SERPINE2: variants seen among roughly 807,000 people sequenced by gnomAD.
The protein encoded by SERPINE2 is serpin family E member 2, also known as glia-derived nexin.
In SERPINE2, 14 loss-of-function variants were observed where a neutral mutation model predicts 36.3. That is an observed-to-expected ratio of 0.39 (90% confidence interval 0.25 to 0.60). SERPINE2 has a LOEUF of 0.60. SERPINE2 is among the 20% of genes least tolerant of loss of function. The probability of loss-of-function intolerance (pLI) is 0.57; values close to 1 mark genes in which losing one functional copy is unlikely to be tolerated. For missense variants in SERPINE2, 418 were observed against 499.6 expected, an observed-to-expected ratio of 0.84 and a Z score of 1.56; for synonymous variants, 192 against 191.8, an observed-to-expected ratio of 1.00 and a Z score of -0.01.
chr2:224,032,722 A>C (rs1054619929), intron 1 of SERPINE2, among the ~76,000 whole-genome samples: 2 of 152,254 alleles, frequency 1.3e-5, no homozygotes, highest in Non-Finnish European at 2.9e-5. Context: ...AAACTGTGGC[A>C]AAAGCCTGGG....
intron 4 of SERPINE2, among the ~76,000 whole-genome samples, chr2:223,991,311 C>T (rs1690660702): frequency 2.0e-5 from 3 of 152,188 alleles, no homozygotes; most frequent in African/African-American, 4.8e-5. Flanking sequence ...CGAGGAAGTC[C>T]TCGGACCACA....
chr2:224,013,395 T>C lies in SERPINE2; in HGVS notation c.-22-11473A>G, dbSNP rs561783133. Among the ~76,000 whole-genome samples, 5 of 152,276 alleles carry C rather than the reference T, an allele frequency of 3.3e-5. No homozygotes were observed. In the South Asian group the frequency reaches 1.0e-3, roughly 32 times the overall value. The stretch of plus-strand genomic sequence containing the variant: ...CTTCAGGTGGCCTTTCTGGGGTGAC[T>C]TGCACAGGGCGGTTTGGAGACCTAA... On this transcript the variant is annotated intron_variant, in intron 1 of 8. Transcript: ENST00000409304.
intron 8 of SERPINE2, among the ~76,000 whole-genome samples, chr2:223,977,256 G>A (rs1394622059): frequency 1.3e-5 from 2 of 152,152 alleles, no homozygotes; most frequent in African/African-American, 2.4e-5. Context: ...ATATGGAAAA[G>A]TCAATAGATG....
chr2:224,025,005 T>C (rs980336260), intron 1 of SERPINE2, among the ~76,000 whole-genome samples: 1 of 152,060 alleles, frequency 6.6e-6, no homozygotes, highest in Non-Finnish European at 1.5e-5. Context: ...GGCTGGTGAG[T>C]AGCTGCACAG....
chr2:224,012,123 C>A (rs7602039), intron 1 of SERPINE2, among the ~76,000 whole-genome samples: 104,039 of 152,018 alleles, frequency 0.68, 36,027 homozygotes, highest in Non-Finnish European at 0.75. Flanking sequence ...CCCATGAGCT[C>A]TGAGTGTGGG....
intron 1 of SERPINE2, among the ~76,000 whole-genome samples, chr2:224,015,014 C>T (rs1691751833): frequency 6.6e-6 from 1 of 151,112 alleles, no homozygotes; most frequent in South Asian, 2.1e-4. Context: ...TAGGTGGGGG[C>T]CAGGGAGGGT....
Position 223,975,529 on chromosome 2 carries a change from A to G in SERPINE2, c.*338T>C. 1 of 215,566 alleles carries G rather than the reference A, an allele frequency of 4.6e-6. No individual in the cohort carries two copies. Among genetic ancestry groups the G allele is most frequent in the East Asian group, 9.7e-5 (1 of 10,294 alleles). 13.4% of individuals were successfully genotyped at this position (215,566 alleles called of 1,614,324 possible). A position where few individuals can be genotyped will look rare whatever the true frequency, so the allele number is the denominator to read the frequency against. On this transcript the variant is annotated 3_prime_UTR_variant, in exon 9 of 9. Transcript: ENST00000409304. ...TTAAATTTCTTCTGAAAAGCCGCAC[A>G]TATAGACAAAACAAAACAAAAATTC... is the stretch of plus-strand genomic sequence containing the variant.
Position 224,001,859 on chromosome 2 carries a change from C to A in SERPINE2, c.42G>T (p.Thr14=), listed in dbSNP as rs12436. 208,759 of 1,613,650 alleles carry A rather than the reference C, an allele frequency of 0.13. 16,197 individuals are homozygous for A. Among genetic ancestry groups the A allele is most frequent in the African/African-American group, 0.31 (23,194 of 74,878 alleles). ...HLPLFLLASV[T]LPSICSHFNP... is the part of the protein sequence containing the mutation. ...TGAAGTGGGAGCAGATGGAAGGCAG[C>A]GTCACAGAGGCCAAGAGGAAGAGGG... The change falls in exon 2 of 9, where the codon ACG becomes ACT. Residue 14 remains threonine (T), a synonymous_variant. Transcript: ENST00000409304.
At position 224,031,452 on chromosome 2, in the gene SERPINE2, C is replaced by T. The variant is rs946284093; in HGVS notation, c.-23+7647G>A. 12 of 985,694 alleles carry T rather than the reference C, an allele frequency of 1.2e-5. No individual in the cohort carries two copies. In the African/African-American group the frequency reaches 1.9e-4, roughly 16 times the overall value. 61.1% of individuals were successfully genotyped at this position (985,694 alleles called of 1,614,324 possible). A position where few individuals can be genotyped will look rare whatever the true frequency, so the allele number is the denominator to read the frequency against. On this transcript the variant is annotated intron_variant, in intron 1 of 8. Coordinates refer to ENST00000409304, the MANE Select transcript of SERPINE2 (RefSeq NM_001136528.2). ...GAACGCCAGGCAGCACGGTCCTCTCCACTCCCTTTCCTCCTAACCAAGGAT... is the reference window on the plus strand; with the variant it reads ...GAACGCCAGGCAGCACGGTCCTCTCTACTCCCTTTCCTCCTAACCAAGGAT...
chr2:224,031,027 G>C (rs1559222680), intron 1 of SERPINE2: 1 of 985,254 alleles, frequency 1.0e-6, no homozygotes, highest in Non-Finnish European at 1.2e-6. Flanking sequence ...GTGATACTAG[G>C]GCTATCACGC....
At chr2:224,028,267 A>C (rs536878388) in intron 1 of SERPINE2, among the ~76,000 whole-genome samples, 39 of 152,328 alleles carry the variant, frequency 2.6e-4, no homozygotes, top group African/African-American at 9.1e-4. Flanking sequence ...ATTTCCCTGC[A>C]TGTTAACTGG....
At chr2:224,013,866 C>T (rs185154657) in intron 1 of SERPINE2, 3 of 152,376 alleles carry the variant, frequency 2.0e-5, no homozygotes, top group East Asian at 3.9e-4. Context: ...TTCCGCAGTG[C>T]TTGTTGCAGG....
chr2:224,005,819 A>G (rs1374549950), intron 1 of SERPINE2, among the ~76,000 whole-genome samples: 1 of 152,190 alleles, frequency 6.6e-6, no homozygotes, highest in Non-Finnish European at 1.5e-5. Flanking sequence ...TTGCTTGAAT[A>G]TTGTTTCACA....
intron 1 of SERPINE2, chr2:224,010,330 G>T (rs1186973930): frequency 3.0e-6 from 3 of 984,688 alleles, no homozygotes; most frequent in African/African-American, 1.7e-5. Flanking sequence ...ACCTAAAAAT[G>T]TTTAGGAAAT....
chr2:223,982,786 C>A lies in SERPINE2; in HGVS notation c.885-5G>T. 6.2e-7 allele frequency: 1 copy of A among 1,604,988 alleles called. No homozygotes were observed. The highest frequency in any genetic ancestry group is 8.5e-7 in the Non-Finnish European group (1 of 1,175,536). ...GTTTGTGCTACAGCTGTGAACCTAGCATGAAAGCAGAAATGGAGAAAAAAA... is the reference window on the plus strand; with the variant it reads ...GTTTGTGCTACAGCTGTGAACCTAGAATGAAAGCAGAAATGGAGAAAAAAA... On this transcript the variant is annotated splice_polypyrimidine_tract_variant and splice_region_variant and intron_variant, in intron 5 of 8. Transcript: ENST00000409304.
chr2:224,012,597 C>T (rs962762260), intron 1 of SERPINE2, among the ~76,000 whole-genome samples: 1 of 59,626 alleles, frequency 1.7e-5, no homozygotes, highest in Non-Finnish European at 5.2e-5. Flanking sequence ...AGCGAGACTC[C>T]ATCCCAAAAA....
chr2:224,026,344 G>T (rs1312608990), intron 1 of SERPINE2, among the ~76,000 whole-genome samples: 1 of 152,162 alleles, frequency 6.6e-6, no homozygotes, highest in Admixed American at 6.5e-5. Context: ...TCAATATCTG[G>T]CAACTCTGAA....
intron 1 of SERPINE2, among the ~76,000 whole-genome samples, chr2:224,022,197 C>T (rs1307720004): frequency 6.9e-6 from 1 of 145,622 alleles, no homozygotes; most frequent in Non-Finnish European, 1.5e-5. Flanking sequence ...CCAGGTGTGG[C>T]GGCTCACGTC....
intron 5 of SERPINE2, among the ~76,000 whole-genome samples, chr2:223,983,734 A>ATGTGTGTGTG (rs1437957922): frequency 1.3e-5 from 1 of 77,260 alleles, no homozygotes; most frequent in African/African-American, 6.9e-5. Context: ...ATATGTGTGT[A>ATGTGTGTGTG]TATGTGTGTG....
Sources: allele counts gnomAD v4.1 joint callset (sites outside exome capture counted in the v4.1 genomes callset), GRCh38; gene constraint gnomAD v4.1.1; transcripts MANE v1.5; gene names NCBI Gene and HGNC (gene_info 2026-07-23, HGNC 2026-07-21).